The following ARL17A variants were observed in gnomAD, a reference collection of about 807,000 sequenced individuals.
ARL17A encodes the protein ADP-ribosylation factor-like 17-like.
chr17:46,558,298 A>G (rs1312215717), intron 3 of ARL17A, among the ~76,000 whole-genome samples: 3 of 108,044 alleles, frequency 2.8e-5, no homozygotes, highest in South Asian at 2.8e-4. Context: ...GACCTCAGGT[A>G]ATCCACCCGC....
At chr17:46,533,456 A>G (rs2054028838) in intron 4 of ARL17A, among the ~76,000 whole-genome samples, 1 of 139,490 alleles carries the variant, frequency 7.2e-6, no homozygotes, top group Non-Finnish European at 1.5e-5. Flanking sequence ...TATGTTCATC[A>G]ACTAGATTTA....
downstream of ARL17A, among the ~76,000 whole-genome samples, chr17:46,551,073 C>A (rs1471903937): frequency 6.7e-6 from 1 of 150,076 alleles, no homozygotes; most frequent in African/African-American, 2.5e-5. Flanking sequence ...TTTTTAAGTT[C>A]ACTGGTGAGG....
chr17:46,501,835 A>C, the ARL17A span, among the ~76,000 whole-genome samples: 1 of 151,246 alleles, frequency 6.6e-6, no homozygotes, highest in African/African-American at 2.5e-5. Context: ...TTCTCATTGA[A>C]TTAACCTTGA....
At position 46,558,048 on chromosome 17, in the gene ARL17A, C is replaced by G. The variant is rs570796730; in HGVS notation, c.260-418G>C. Among the ~76,000 whole-genome samples the G allele has an allele frequency of 1.4e-4, 19 of 139,166 alleles. 3 individuals are homozygous for G. The highest frequency in any genetic ancestry group is 5.2e-4 in the African/African-American group (19 of 36,820). The allele number at this position is 139,166 out of a possible 152,430, so 91.3% of individuals were successfully genotyped here. On this transcript the variant is annotated intron_variant, in intron 3 of 3. Coordinates refer to ENST00000336125, the MANE Select transcript of ARL17A (RefSeq NM_001113738.2). The stretch of plus-strand genomic sequence containing the variant: ...GAGAAAAGATATCCACAGGGAAATT[C>G]AGGAGTTTTGTTTGTTTTTTTTTCT...
downstream of ARL17A, chr17:46,550,408 T>G: frequency 1.3e-6 from 1 of 761,324 alleles, no homozygotes; most frequent in Non-Finnish European, 2.0e-6. Flanking sequence ...TGTGTTTTTT[T>G]TTTTAGCTCA....
intron 4 of ARL17A, among the ~76,000 whole-genome samples, chr17:46,536,894 C>T (rs2054611683): frequency 9.4e-5 from 1 of 10,636 alleles, no homozygotes; most frequent in Non-Finnish European, 1.4e-4. Context: ...ATTCTGCTCC[C>T]TCTGGTTGGG....
chr17:46,552,731 CAGAA>C (rs1461862915), downstream of ARL17A: 1 of 84,306 alleles, frequency 1.2e-5, no homozygotes. Flanking sequence ...AAAATACAAA[CAGAA>C]AGTACAATAT....
downstream of ARL17A, among the ~76,000 whole-genome samples, chr17:46,516,288 G>T (rs1349971715): frequency 5.5e-5 from 6 of 108,560 alleles, no homozygotes; most frequent in African/African-American, 1.9e-4. Flanking sequence ...GGGCGACAGA[G>T]CAAGACTCCA....
downstream of ARL17A, among the ~76,000 whole-genome samples, chr17:46,516,370 C>T (rs1414060069): frequency 1.5e-5 from 2 of 133,796 alleles, no homozygotes; most frequent in East Asian, 4.3e-4. Context: ...TAATTAAGTA[C>T]TAAAAGATAA....
chr17:46,542,650 G>A (rs2055585170), intron 3 of ARL17A, among the ~76,000 whole-genome samples: 1 of 150,340 alleles, frequency 6.7e-6, no homozygotes, highest in Non-Finnish European at 1.5e-5. Flanking sequence ...AGCCAAGATG[G>A]CACCACTGCA....
At chr17:46,534,535 A>G (rs2054283260) in intron 4 of ARL17A, among the ~76,000 whole-genome samples, 1 of 148,036 alleles carries the variant, frequency 6.8e-6, no homozygotes, top group Non-Finnish European at 1.5e-5. Flanking sequence ...GATCAACAGC[A>G]TCCCAAGGCA....
At chr17:46,558,788 C>T (rs1467511047) in intron 3 of ARL17A, 1 of 133,494 alleles carries the variant, frequency 7.5e-6, no homozygotes, top group Non-Finnish European at 1.6e-5. Flanking sequence ...TCCCTTCTAA[C>T]TCACACTCCC....
chr17:46,542,688 C>T (rs1319517209), intron 3 of ARL17A, among the ~76,000 whole-genome samples: 46 of 150,094 alleles, frequency 3.1e-4, no homozygotes, highest in Non-Finnish European at 6.5e-4. Context: ...GAGCAAGACC[C>T]TGTCTAAAAT....
At chr17:46,528,733 A>G (rs4271631), downstream of ARL17A, 2 of 672,258 alleles carry the variant, frequency 3.0e-6, no homozygotes, top group African/African-American at 2.0e-5. Context: ...TCAAAAAAAA[A>G]AAAAAAAAGG....
chr17:46,511,154 ACAGT>A, the ARL17A span, among the ~76,000 whole-genome samples: 1 of 119,394 alleles, frequency 8.4e-6, no homozygotes, highest in East Asian at 2.6e-4. Context: ...TAATCTCAAA[ACAGT>A]CATTATTTAC....
chr17:46,558,059 T>C (rs62073358), intron 3 of ARL17A, among the ~76,000 whole-genome samples: 16,675 of 133,312 alleles, frequency 0.13, no homozygotes, highest in Non-Finnish European at 0.18. Context: ...AGGAGTTTTG[T>C]TTGTTTTTTT....
At chr17:46,532,252 A>G (rs1345003712) in intron 4 of ARL17A, among the ~76,000 whole-genome samples, 2 of 148,930 alleles carry the variant, frequency 1.3e-5, no homozygotes, top group Non-Finnish European at 1.5e-5. Flanking sequence ...GAAACCATAG[A>G]TCAGTTTGGA....
intron 3 of ARL17A, among the ~76,000 whole-genome samples, chr17:46,542,393 TGAG>T (rs1338856908): frequency 2.0e-5 from 3 of 148,490 alleles, no homozygotes; most frequent in African/African-American, 7.8e-5. Flanking sequence ...TTTGTAGAAA[TGAG>T]GTCTCAGTAT....
intron 4 of ARL17A, among the ~76,000 whole-genome samples, chr17:46,533,481 T>C (rs2054034566): frequency 6.9e-6 from 1 of 145,568 alleles, no homozygotes; most frequent in South Asian, 2.1e-4. Flanking sequence ...TATTGCATTA[T>C]GTAAGTATCT....
Sources: allele counts gnomAD v4.1 joint callset (sites outside exome capture counted in the v4.1 genomes callset), GRCh38; gene constraint gnomAD v4.1.1; transcripts MANE v1.5; gene names NCBI Gene and HGNC (gene_info 2026-07-23, HGNC 2026-07-21).